Variants in SYTL5 observed in about 807,000 individuals in gnomAD.
SYTL5 encodes synaptotagmin-like protein 5.
SYTL5 carries 34 observed loss-of-function variants against 55.9 expected under a neutral mutation model. The observed-to-expected ratio is 0.61, with a 90% CI of 0.46 to 0.81. SYTL5 has a LOEUF of 0.81. SYTL5 is among the 30% of genes least tolerant of loss of function. The pLI is 0.00. For synonymous variants in SYTL5, 221 were observed against 188.7 expected (o/e 1.17, Z -1.40); for missense variants, 637 against 546.7 (o/e 1.17, Z -1.65).
chrX:38,083,773 C>CGTGT (rs1569180907), intron 6 of SYTL5, among the ~76,000 whole-genome samples: 2 of 40,191 alleles, frequency 5.0e-5, no homozygotes, highest in Non-Finnish European at 7.9e-5. Context: ...TAAATAGACT[C>CGTGT]ATGTGTGTGT....
At chrX:37,949,094 G>C in the SYTL5 span, among the ~76,000 whole-genome samples, 1 of 111,336 alleles carries the variant, frequency 9.0e-6, no homozygotes, top group Non-Finnish European at 1.9e-5. Flanking sequence ...AAAAACCTGA[G>C]ACTCACTTTC....
chrX:37,898,707 T>C, the SYTL5 span, among the ~76,000 whole-genome samples: 12 of 112,466 alleles, frequency 1.1e-4, no homozygotes, highest in Non-Finnish European at 1.3e-4. Context: ...GCTATACTTA[T>C]AGGACAAGAT....
the SYTL5 span, among the ~76,000 whole-genome samples, chrX:37,973,267 C>T: frequency 5.4e-5 from 6 of 111,430 alleles, no homozygotes; most frequent in South Asian, 3.8e-4. Flanking sequence ...TAGGGCATGA[C>T]TCCCTCGACC....
At chrX:37,943,741 G>A in the SYTL5 span, among the ~76,000 whole-genome samples, 4 of 111,313 alleles carry the variant, frequency 3.6e-5, no homozygotes, top group Admixed American at 9.6e-5. Context: ...CAGATTCCTC[G>A]TTTTAGCTCT....
At chrX:38,012,030 A>C (rs1216070649) in intron 1 of SYTL5, among the ~76,000 whole-genome samples, 1 of 112,119 alleles carries the variant, frequency 8.9e-6, no homozygotes, top group African/African-American at 3.2e-5. Context: ...AAGAAGGCCC[A>C]GTGCCATTTG....
the SYTL5 span, among the ~76,000 whole-genome samples, chrX:37,902,022 A>G: frequency 1.8e-5 from 2 of 112,628 alleles, no homozygotes; most frequent in African/African-American, 6.5e-5. Flanking sequence ...TGTAATAGGA[A>G]ATAGGGGAAG....
At chrX:37,982,589 T>C in the SYTL5 span, among the ~76,000 whole-genome samples, 1 of 111,777 alleles carries the variant, frequency 8.9e-6, no homozygotes, top group Non-Finnish European at 1.9e-5. Flanking sequence ...AAAGCAATTG[T>C]ATAAAGCAAT....
At chrX:38,022,612 A>T (rs1392464650) in intron 1 of SYTL5, among the ~76,000 whole-genome samples, 1 of 111,977 alleles carries the variant, frequency 8.9e-6, no homozygotes, top group South Asian at 3.7e-4. Flanking sequence ...TCCCTCTTGT[A>T]AGGATCATTG....
At position 38,106,828 on chromosome X, in the gene SYTL5, G is replaced by A. The variant is rs970172930; in HGVS notation, c.1334+57G>A. On this transcript the variant is annotated intron_variant, in intron 11 of 16. Coordinates refer to ENST00000297875, the MANE Select transcript of SYTL5 (RefSeq NM_138780.3). The stretch of plus-strand genomic sequence containing the variant: ...CAGTCACTGCCTTTTTTGTCTGTAT[G>A]TGTGTTTCCTTTTCAAAAGAGTCTT... 1.6e-5 allele frequency: 16 copies of A among 988,700 alleles called. No homozygotes were observed. In the African/African-American group the frequency reaches 2.9e-4, roughly 18 times the overall value. 81.5% of individuals were successfully genotyped at this position (988,700 alleles called of 1,213,427 possible). A position where few individuals can be genotyped will look rare whatever the true frequency, so the allele number is the denominator to read the frequency against.
intron 15 of SYTL5, among the ~76,000 whole-genome samples, chrX:38,124,608 A>C (rs1273557184): frequency 8.9e-6 from 1 of 111,898 alleles, no homozygotes; most frequent in Non-Finnish European, 1.9e-5. Context: ...AAATTTCAGG[A>C]AACACCAGTG....
chrX:38,110,116 A>G (rs955184034), intron 12 of SYTL5, among the ~76,000 whole-genome samples: 1 of 112,130 alleles, frequency 8.9e-6, no homozygotes, highest in Non-Finnish European at 1.9e-5. Flanking sequence ...ATATCTTTCA[A>G]TGCAAAGTCT....
chrX:37,955,027 T>C, the SYTL5 span, among the ~76,000 whole-genome samples: 1 of 111,234 alleles, frequency 9.0e-6, no homozygotes, highest in Non-Finnish European at 1.9e-5. Flanking sequence ...TTTTGCAGCA[T>C]ACTGTAAAGA....
At chrX:38,000,099 C>T in the SYTL5 span, among the ~76,000 whole-genome samples, 30 of 111,722 alleles carry the variant, frequency 2.7e-4, no homozygotes, top group African/African-American at 9.8e-4. Context: ...AACTCACTCT[C>T]GAGAACTTTC....
Position 38,036,443 on chromosome X carries a change from C to T in SYTL5, c.119+2435C>T, listed in dbSNP as rs758943186. Among the ~76,000 whole-genome samples, 3 of 111,521 alleles carry T rather than the reference C, an allele frequency of 2.7e-5. No individual in the cohort carries two copies. The South Asian group carries it at 1.1e-3, about 42-fold the overall frequency. On this transcript the variant is annotated intron_variant, in intron 2 of 16. Transcript: ENST00000297875. Reference sequence around the variant, plus strand: ...TTGGGTGTAATATACAACAGAGTATCAAGAATAAAGTCATTGGTTTCCTGG... The same window carrying T: ...TTGGGTGTAATATACAACAGAGTATTAAGAATAAAGTCATTGGTTTCCTGG...
At chrX:38,033,221 C>T (rs1243161327) in intron 1 of SYTL5, among the ~76,000 whole-genome samples, 2 of 111,149 alleles carry the variant, frequency 1.8e-5, no homozygotes, top group Non-Finnish European at 3.8e-5. Context: ...CACTTAGTGT[C>T]CCAAAGTGGT....
Position 38,128,700 on chromosome X carries a change from T to A in SYTL5, c.*1970T>A, listed in dbSNP as rs74396778. 3 of 111,812 alleles carry A rather than the reference T, an allele frequency of 2.7e-5. No homozygotes were observed. In the East Asian group the frequency reaches 8.4e-4, roughly 31 times the overall value. 9.2% of individuals were successfully genotyped at this position (111,812 alleles called of 1,213,427 possible). On this transcript the variant is annotated 3_prime_UTR_variant, in exon 17 of 17. Coordinates refer to ENST00000297875, the MANE Select transcript of SYTL5 (RefSeq NM_138780.3). ...GTCTAGTGTCGCTTAGCAAGGTACT[T>A]AAAAGAAAATCTGCACATATCCTTG...
chrX:37,920,193 C>G, the SYTL5 span, among the ~76,000 whole-genome samples: 4 of 111,553 alleles, frequency 3.6e-5, no homozygotes, highest in Admixed American at 2.9e-4. Context: ...AAATAATAGT[C>G]CATTCAGCTC....
chrX:38,108,081 A>G (rs1426930050), intron 11 of SYTL5, among the ~76,000 whole-genome samples: 2 of 111,787 alleles, frequency 1.8e-5, no homozygotes, highest in African/African-American at 3.3e-5. Context: ...TTACTCACCC[A>G]TTACCATTGA....
At chrX:38,124,981 G>A (rs754840074) in intron 15 of SYTL5, among the ~76,000 whole-genome samples, 88 of 111,723 alleles carry the variant, frequency 7.9e-4, no homozygotes, top group Middle Eastern at 9.3e-3. Context: ...AGTATATCAG[G>A]AACTTCCCAT....
Sources: allele counts gnomAD v4.1 joint callset (sites outside exome capture counted in the v4.1 genomes callset), GRCh38; gene constraint gnomAD v4.1.1; transcripts MANE v1.5; gene names NCBI Gene and HGNC (gene_info 2026-07-23, HGNC 2026-07-21).